SACS: variants seen among roughly 807,000 people sequenced by gnomAD.
SACS encodes sacsin.
In SACS, 197 loss-of-function variants were observed where a neutral mutation model predicts 348.0. That is an observed-to-expected ratio of 0.57 (90% CI 0.50 to 0.64). The LOEUF is 0.64. SACS is among the 30% of genes least tolerant of loss of function. The probability of loss-of-function intolerance (pLI) is 0.00; values close to 1 mark genes in which losing one functional copy is unlikely to be tolerated. For missense variants in SACS, 4,999 were observed against 5,360.8 expected (o/e 0.93, Z 2.11); for synonymous variants, 1,985 against 1,910.6 (o/e 1.04, Z -1.02).
chr13:23,359,790 G>T (rs1430841204), intron 6 of SACS, among the ~76,000 whole-genome samples: 1 of 152,078 alleles, frequency 6.6e-6, no homozygotes, highest in Non-Finnish European at 1.5e-5. Flanking sequence ...CAAAGCAGAT[G>T]AACCTGTGTC....
chr13:23,343,403 G>C (rs982947502), intron 9 of SACS, among the ~76,000 whole-genome samples: 5 of 152,058 alleles, frequency 3.3e-5, no homozygotes, highest in Non-Finnish European at 7.4e-5. Flanking sequence ...TCTTGAAAGA[G>C]TGGCAAGGCA....
Position 23,339,957 on chromosome 13 carries a change from C to T in SACS, c.3919G>A (p.Val1307Ile), listed in dbSNP as rs1209437801. 1.9e-6 allele frequency: 3 copies of T among 1,613,652 alleles called. No individual in the cohort carries two copies. Among genetic ancestry groups the T allele is most frequent in the South Asian group, 2.2e-5 (2 of 90,954 alleles). The change falls in exon 10 of 10, where the codon GTA (valine) becomes ATA (isoleucine). Residue 1307 changes from valine (V) to isoleucine (I), a missense_variant. Val to Ile is a conservative substitution (Grantham distance 29). Around this residue, in one of 6 missense-constraint regions of SACS, gnomAD observed 3,156 missense variants for 3,380.1 expected, o/e 0.93. Coordinates refer to ENST00000382292, the MANE Select transcript of SACS (RefSeq NM_014363.6). Reference protein sequence around the residue: ...DLDLQPYLHNVPKTMAKFHQL... With the variant: ...DLDLQPYLHNIPKTMAKFHQL... ...TGGAATTTTGCCATGGTTTTAGGTA[C>T]ATTATGCAAATAAGGCTGAAGGTCA...
At chr13:23,429,822 T>G (rs1874363707) in intron 1 of SACS, among the ~76,000 whole-genome samples, 1 of 152,194 alleles carries the variant, frequency 6.6e-6, no homozygotes, top group Non-Finnish European at 1.5e-5. Flanking sequence ...TTTTTATTAC[T>G]ATTCTTAGCA....
rs549362120 is a variant in SACS, at chr13:23,362,236, C to T, written c.457+2930G>A. Among the ~76,000 whole-genome samples, 40 of 152,254 alleles carry T rather than the reference C, an allele frequency of 2.6e-4. 1 individual carries two copies. The highest frequency in any genetic ancestry group is 1.2e-3 in the Admixed American group (18 of 15,300). On this transcript the variant is annotated intron_variant, in intron 6 of 9. Coordinates refer to ENST00000382292, the MANE Select transcript of SACS (RefSeq NM_014363.6). ...CCTAGTGCAGCACAGAGGGACTCTC[C>T]GTGCTTCCTTCCCCTGTGTCTTATA... is the stretch of plus-strand genomic sequence containing the variant.
Position 23,341,496 on chromosome 13 carries a change from A to AT in SACS, c.2379_2380insA (p.Leu794IlefsTer5). On this transcript the variant is annotated frameshift_variant, in exon 10 of 10. Coordinates refer to ENST00000382292, the MANE Select transcript of SACS (RefSeq NM_014363.6). LOFTEE classifies it high-confidence loss of function. Reference sequence around the variant, plus strand: ...AGTGGCATCTCATCAAATAAAGTCAAATCCTCTGAAAAATGTATATAAAGA... The same window carrying AT: ...AGTGGCATCTCATCAAATAAAGTCAATATCCTCTGAAAAATGTATATAAAGA... 6.2e-7 allele frequency: 1 copy of AT among 1,614,052 alleles called. No homozygotes were observed.
rs186644629 is a variant in SACS at position 23,408,927 on chromosome 13, A to T, written c.20+2293T>A. On this transcript the variant is annotated intron_variant, in intron 2 of 9. Transcript: ENST00000382292. ...CAGTGAGCCGAGATTGCGCCACTGC[A>T]CTCCAGCCTGGGCGACAGAGCAAGA... is the stretch of plus-strand genomic sequence containing the variant. Among the ~76,000 whole-genome samples, 815 of 136,712 alleles carry T rather than the reference A, an allele frequency of 6.0e-3. 11 individuals are homozygous for T. The highest frequency in any genetic ancestry group is 0.02 in the African/African-American group (785 of 40,108). The allele number at this position is 136,712 out of a possible 152,430, so 89.7% of individuals were successfully genotyped here.
Position 23,384,248 on chromosome 13 carries a change from A to C in SACS, c.21-8979T>G, listed in dbSNP as rs563112704. 5.9e-5 allele frequency among the ~76,000 whole-genome samples: 9 copies of C among 152,348 alleles called. No individual in the cohort carries two copies. In the South Asian group the frequency reaches 1.9e-3, roughly 32 times the overall value. ...CAAGGTGACTTCCGCCTTCGTAGAC[A>C]TCTTCAGCATTTAACTTCCACTCAT... On this transcript the variant is annotated intron_variant, in intron 2 of 9. Coordinates refer to ENST00000382292, the MANE Select transcript of SACS (RefSeq NM_014363.6).
chr13:23,354,461 TGAGCAG>T lies in SACS; in HGVS notation c.2093+52_2093+57del. 3 of 1,449,206 alleles carry T rather than the reference TGAGCAG, an allele frequency of 2.1e-6. No homozygotes were observed. In the South Asian group the frequency reaches 3.4e-5, roughly 17 times the overall value. 89.8% of individuals were successfully genotyped at this position (1,449,206 alleles called of 1,614,324 possible). A position where few individuals can be genotyped will look rare whatever the true frequency, so the allele number is the denominator to read the frequency against. On this transcript the variant is annotated intron_variant, in intron 8 of 9. Coordinates refer to ENST00000382292, the MANE Select transcript of SACS (RefSeq NM_014363.6). The stretch of plus-strand genomic sequence containing the variant: ...ATTTCACAACAAAGGACTCTCACAG[TGAGCAG>T]GAGCAGGGGAACCCTAAGAGTGAAC...
chr13:23,387,418 T>G (rs1019372267), intron 2 of SACS, among the ~76,000 whole-genome samples: 1 of 135,218 alleles, frequency 7.4e-6, no homozygotes, highest in South Asian at 2.4e-4. Flanking sequence ...GCAGAGATCG[T>G]GCCACTGCAC....
chr13:23,348,026 T>C (rs1566075846), intron 9 of SACS, among the ~76,000 whole-genome samples: 3 of 152,166 alleles, frequency 2.0e-5, no homozygotes, highest in African/African-American at 7.2e-5. Flanking sequence ...AAATTATAAA[T>C]AAGACCCGAC....
At chr13:23,401,206 G>T (rs1872960783) in intron 2 of SACS, among the ~76,000 whole-genome samples, 1 of 152,148 alleles carries the variant, frequency 6.6e-6, no homozygotes, top group Non-Finnish European at 1.5e-5. Context: ...AAATCGCTCA[G>T]GAAAACTCAA....
Position 23,340,613 on chromosome 13 carries a change from C to T in SACS, c.3263G>A (p.Arg1088Lys), listed in dbSNP as rs752103558. Residue 1088 changes from arginine to lysine, a missense_variant, in exon 10 of 10, where the codon AGA becomes AAA. Physicochemically the swap from Arg to Lys is conservative, Grantham distance 26. Around this residue, in one of 6 missense-constraint regions of SACS, gnomAD observed 3,156 missense variants for 3,380.1 expected, o/e 0.93. Coordinates refer to ENST00000382292, the MANE Select transcript of SACS (RefSeq NM_014363.6). The part of the protein sequence containing the change: ...FTSPDILHSL[R>K]QIGLKNEASL... ...GGCTTCGTTTTTTAAACCAATCTGT[C>T]TTAAGGAGTGAAGAATATCTGGTGA... 1 of 1,611,578 alleles carries T rather than the reference C, an allele frequency of 6.2e-7. No homozygotes were observed. Among genetic ancestry groups the T allele is most frequent in the Non-Finnish European group, 8.5e-7 (1 of 1,179,494 alleles).
intron 2 of SACS, among the ~76,000 whole-genome samples, chr13:23,388,076 T>C (rs573086759): frequency 5.8e-4 from 89 of 152,276 alleles, no homozygotes; most frequent in African/African-American, 2.0e-3. Flanking sequence ...TGCCATTCAA[T>C]CCAGCAATCC....
At chr13:23,376,815 G>A (rs1001253863) in intron 2 of SACS, among the ~76,000 whole-genome samples, 6 of 152,316 alleles carry the variant, frequency 3.9e-5, no homozygotes, top group African/African-American at 9.6e-5. Context: ...GCTTTGGGAG[G>A]CCAAGACGGG....
At position 23,337,797 on chromosome 13, in the gene SACS, C is replaced by T. The variant is rs778637568; in HGVS notation, c.6079G>A (p.Val2027Ile). Residue 2027 changes from valine to isoleucine, a missense_variant, in exon 10 of 10, where the codon GTT (valine) becomes ATT (isoleucine). Val to Ile is a conservative substitution (Grantham distance 29). This residue lies in a region of SACS where 3,156 missense variants were observed against 3,380.1 expected (regional missense o/e 0.93). Coordinates refer to ENST00000382292, the MANE Select transcript of SACS (RefSeq NM_014363.6). ...AATTTTACCGAAGAAGGAAGTTCAA[C>T]AGCACAAAGGTTTTTGGACCCAGTC... ...KKTGSKNLCAVELPSSVKLGF... is the reference protein window; with the variant it reads ...KKTGSKNLCAIELPSSVKLGF... 2 of 1,613,818 alleles carry T rather than the reference C, an allele frequency of 1.2e-6. No homozygotes were observed. Among genetic ancestry groups the T allele is most frequent in the South Asian group, 1.1e-5 (1 of 91,072 alleles).
At chr13:23,406,124 C>G (rs939404862) in intron 2 of SACS, among the ~76,000 whole-genome samples, 3 of 152,142 alleles carry the variant, frequency 2.0e-5, no homozygotes, top group Non-Finnish European at 4.4e-5. Flanking sequence ...AAGATTGGAA[C>G]CAATCCAAAT....
At chr13:23,391,476 G>T (rs945949875) in intron 2 of SACS, among the ~76,000 whole-genome samples, 2 of 152,146 alleles carry the variant, frequency 1.3e-5, no homozygotes, top group African/African-American at 4.8e-5. Context: ...TACGGTCAGG[G>T]AATTCATGCC....
In SACS at chr13:23,340,478, A is replaced by G. The variant is rs1373071284; in HGVS notation, c.3398T>C (p.Leu1133Pro). 6.2e-7 allele frequency: 1 copy of G among 1,612,794 alleles called. No individual in the cohort carries two copies. Among genetic ancestry groups the G allele is most frequent in the East Asian group, 2.2e-5 (1 of 44,884 alleles). Residue 1133 changes from leucine to proline, a missense_variant, in exon 10 of 10, where the codon CTG (leucine) becomes CCG (proline). Leu to Pro is a moderately conservative substitution (Grantham distance 98, BLOSUM62 -3). Coordinates refer to ENST00000382292, the MANE Select transcript of SACS (RefSeq NM_014363.6). The part of the protein sequence containing the change: ...VLLKKAKTLL[L>P]VLNKNHTLLQ... ...CAGTGTGTGATTCTTATTTAAAACC[A>G]GTAAGAGGGTTTTGGCTTTCTTCAG... is the stretch of plus-strand genomic sequence containing the variant.
chr13:23,368,891 G>T (rs879664400), intron 4 of SACS, among the ~76,000 whole-genome samples: 5 of 151,996 alleles, frequency 3.3e-5, no homozygotes, highest in African/African-American at 4.8e-5. Flanking sequence ...AGTAGAGATG[G>T]GGTTTCACCA....
Sources: gnomAD v4.1 joint callset for allele counts (sites outside exome capture counted in the v4.1 genomes callset) on GRCh38, gnomAD v4.1.1 for gene constraint, gnomAD v4.1.1 regional missense constraint, MANE v1.5 for transcripts, NCBI Gene and HGNC (gene_info 2026-07-23, HGNC 2026-07-21) for gene names.